Variants in PNLDC1 observed in about 807,000 individuals in gnomAD.
PNLDC1 encodes PARN like ribonuclease domain containing exonuclease 1.
A neutral mutation model predicts 82.0 loss-of-function variants in PNLDC1; 70 were observed. The ratio of observed to expected loss-of-function variants is 0.85; its 90% CI spans 0.70 to 1.04. The LOEUF (loss-of-function observed/expected upper bound fraction) is 1.04. PNLDC1 is among the 50% of genes least tolerant of loss of function. The pLI, the probability that PNLDC1 is intolerant of heterozygous loss-of-function variation, is 0.00. For synonymous variants in PNLDC1, 280 were observed against 249.3 expected, an observed-to-expected ratio of 1.12 and a Z score of -1.16; for missense variants, 631 against 661.1, an observed-to-expected ratio of 0.95 and a Z score of 0.50.
At chr6:159,816,453 G>A (rs1781832718) in intron 13 of PNLDC1, 90 bp from the exon 14 acceptor site, 1 of 1,192,130 alleles carries the variant, frequency 8.4e-7, no homozygotes, top group Admixed American at 1.7e-5. Context: ...GAGGTTGTAT[G>A]AGCTGCAGCC....
chr6:159,817,176 A>G (rs375598370), intron 15 of PNLDC1, 25 bp downstream of exon 15: 13 of 1,599,566 alleles, frequency 8.1e-6, no homozygotes, highest in Non-Finnish European at 1.0e-5. Context: ...TTTTCATCCT[A>G]CTGTTCAATC....
intron 4 of PNLDC1, 153 bp downstream of exon 4, chr6:159,803,463 C>T (rs372515483): frequency 7.0e-5 from 46 of 657,278 alleles, no homozygotes; most frequent in East Asian, 4.3e-4. Flanking sequence ...CTGCCCTCTG[C>T]GGATTCCAGC....
At chr6:159,818,701 G>A (rs370813825) in intron 16 of PNLDC1, 47 bp downstream of exon 16, 43 of 1,561,092 alleles carry the variant, frequency 2.8e-5, no homozygotes, top group South Asian at 2.1e-4. Context: ...GAGTTCAGAG[G>A]CTTTGCTGGG....
Position 159,820,473 on chromosome 6 carries a change from G to A in PNLDC1, c.1552G>A (p.Ala518Thr), listed in dbSNP as rs915644805. 18 of 1,614,022 alleles carry A rather than the reference G, an allele frequency of 1.1e-5. No individual in the cohort carries two copies. Among genetic ancestry groups the A allele is most frequent in the Admixed American group, 1.7e-5 (1 of 59,996 alleles). The change falls in exon 19 of 19, where the codon GCC becomes ACC. Residue 518 changes from alanine to threonine, a missense_variant. By Grantham distance (58) the Ala-to-Thr change is moderately conservative. Coordinates refer to ENST00000392167, the MANE Select transcript of PNLDC1 (RefSeq NM_001271862.2). ...CLLQVCGIVT[A>T]WALLAFILGR... The stretch of plus-strand genomic sequence containing the variant: ...TTGCAGAGTCTGTGGCATAGTGACT[G>A]CCTGGGCCCTTCTCGCGTTCATCCT...
rs1466028803 is a variant in PNLDC1 at position 159,811,757 on chromosome 6, A to G, written c.910A>G (p.Thr304Ala). ...IHSLFPVLIDTKSVTKDIWKE... is the reference protein window; with the variant it reads ...IHSLFPVLIDAKSVTKDIWKE... ...CAGCCTATTTCCTGTTCTCATTGAT[A>G]CCAAGAGTGTAACAAAGGATATCTG... Residue 304 changes from threonine to alanine, a missense_variant, in exon 11 of 19, where the codon ACC becomes GCC. Thr to Ala is a moderately conservative substitution (Grantham distance 58, BLOSUM62 0). Coordinates refer to ENST00000392167, the MANE Select transcript of PNLDC1 (RefSeq NM_001271862.2). The G allele has an allele frequency of 5.0e-6, 8 of 1,613,342 alleles. No individual in the cohort carries two copies. Among genetic ancestry groups the G allele is most frequent in the African/African-American group, 1.3e-5 (1 of 74,932 alleles).
At chr6:159,803,532 A>C (rs1583166247) in intron 4 of PNLDC1, 3 of 577,282 alleles carry the variant, frequency 5.2e-6, no homozygotes, top group East Asian at 5.6e-5. Flanking sequence ...TCTGTACCTT[A>C]AGTGCTCCTT....
chr6:159,807,218 A>G (rs1316238802), intron 7 of PNLDC1, among the ~76,000 whole-genome samples: 2 of 152,162 alleles, frequency 1.3e-5, no homozygotes, highest in Non-Finnish European at 2.9e-5. Flanking sequence ...TTTACTGGAA[A>G]GAACTGATTG....
Position 159,804,588 on chromosome 6 carries a change from G to A in PNLDC1, c.412G>A (p.Glu138Lys), listed in dbSNP as rs1463685512. The stretch of plus-strand genomic sequence containing the variant: ...AATCCCATATATGAATGAAGAACAG[G>A]AGAAGAAAATTAGACACGATATCCT... ...NGIPYMNEEQ[E>K]KKIRHDILTG... Residue 138 changes from glutamate to lysine, a missense_variant, in exon 6 of 19, where the codon GAG (glutamate) becomes AAG (lysine). Coordinates refer to ENST00000392167, the MANE Select transcript of PNLDC1 (RefSeq NM_001271862.2). 6.2e-7 allele frequency: 1 copy of A among 1,610,800 alleles called. No individual in the cohort carries two copies. The highest frequency in any genetic ancestry group is 2.2e-5 in the East Asian group (1 of 44,860).
rs779148258 is a variant in PNLDC1 at position 159,813,667 on chromosome 6, C to T, written c.995+11C>T. The T allele has an allele frequency of 1.4e-5, 23 of 1,612,810 alleles. No homozygotes were observed. Among genetic ancestry groups the T allele is most frequent in the South Asian group, 8.8e-5 (8 of 91,064 alleles). The stretch of plus-strand genomic sequence containing the variant: ...TGAAGTCCTGAACAGGTGAGGACGG[C>T]GATTCCTGGAGCTACTGCTGGAGCG... On this transcript the variant is annotated intron_variant, in intron 12 of 18. Coordinates refer to ENST00000392167, the MANE Select transcript of PNLDC1 (RefSeq NM_001271862.2).
At chr6:159,803,685 A>G (rs1781344054) in intron 4 of PNLDC1, among the ~76,000 whole-genome samples, 2 of 152,024 alleles carry the variant, frequency 1.3e-5, no homozygotes, top group Admixed American at 1.3e-4. Flanking sequence ...CCCACCCCCC[A>G]TGAGCAGTTG....
chr6:159,803,587 C>T (rs1478551043), intron 4 of PNLDC1, among the ~76,000 whole-genome samples: 1 of 152,180 alleles, frequency 6.6e-6, no homozygotes, highest in Non-Finnish European at 1.5e-5. Flanking sequence ...TTAATAAAAG[C>T]GCCTGACACA....
In PNLDC1 at chr6:159,813,655, A is replaced by C; in HGVS notation, c.994A>C (p.Ser332Arg). Reference sequence around the variant, plus strand: ...TTCGGAAGTCTATGAAGTCCTGAACAGGTGAGGACGGCGATTCCTGGAGCT... The same window carrying C: ...TTCGGAAGTCTATGAAGTCCTGAACCGGTGAGGACGGCGATTCCTGGAGCT... ...NLSEVYEVLN[S>R]DLNPTKNSGP... The change falls in exon 12 of 19, where the codon AGT (serine) becomes CGT (arginine). Residue 332 changes from serine to arginine, a missense_variant and splice_region_variant. Coordinates refer to ENST00000392167, the MANE Select transcript of PNLDC1 (RefSeq NM_001271862.2). The C allele has an allele frequency of 6.2e-7, 1 of 1,613,742 alleles. No homozygotes were observed. The highest frequency in any genetic ancestry group is 8.5e-7 in the Non-Finnish European group (1 of 1,179,620).
chr6:159,807,398 G>A (rs546040924), intron 7 of PNLDC1, among the ~76,000 whole-genome samples: 17 of 148,144 alleles, frequency 1.1e-4, no homozygotes, highest in South Asian at 2.1e-4. Context: ...TGTTTCAAAG[G>A]AAAAAAAAAA....
intron 3 of PNLDC1, among the ~76,000 whole-genome samples, chr6:159,802,172 T>A (rs150934118): frequency 6.6e-6 from 1 of 152,378 alleles, no homozygotes; most frequent in African/African-American, 2.4e-5. Context: ...GCTTTTGTAA[T>A]GTGAAATTAG....
In PNLDC1 at chr6:159,817,187, G is replaced by A. The variant is rs560296079; in HGVS notation, c.1157+36G>A. On this transcript the variant is annotated intron_variant, in intron 15 of 18. Transcript: ENST00000392167. ...TTTCTTTTCATCCTACTGTTCAATC[G>A]GTGGTCAGGATTTATTGAGCCCTTG... 28 of 1,585,768 alleles carry A rather than the reference G, an allele frequency of 1.8e-5. 1 individual carries two copies. Among genetic ancestry groups the A allele is most frequent in the South Asian group, 1.4e-4 (13 of 90,450 alleles).
At chr6:159,810,137 G>T in intron 10 of PNLDC1, 42 bp downstream of exon 10, 1 of 1,563,358 alleles carries the variant, frequency 6.4e-7, no homozygotes, top group Non-Finnish European at 8.8e-7. Context: ...ACGCTAGTTT[G>T]CCATCTGGCA....
At chr6:159,809,180 C>T in intron 9 of PNLDC1, 22 bp downstream of exon 9, 1 of 1,612,684 alleles carries the variant, frequency 6.2e-7, no homozygotes, top group South Asian at 1.1e-5. Flanking sequence ...TGTCTCTTTT[C>T]TTGGCCTAAA....
chr6:159,813,213 C>G (rs1781700560), intron 11 of PNLDC1, among the ~76,000 whole-genome samples: 1 of 152,172 alleles, frequency 6.6e-6, no homozygotes, highest in African/African-American at 2.4e-5. Flanking sequence ...CTACTATGAA[C>G]TTTTAGGATT....
intron 11 of PNLDC1, 45 bp from the exon 12 acceptor site, chr6:159,813,556 C>T (rs1244367071): frequency 1.9e-6 from 3 of 1,557,686 alleles, no homozygotes; most frequent in African/African-American, 2.7e-5. Context: ...AGAGAATAAA[C>T]AAAAGCGCAA....
Sources: allele counts gnomAD v4.1 joint callset (sites outside exome capture counted in the v4.1 genomes callset), GRCh38; gene constraint gnomAD v4.1.1; transcripts MANE v1.5; gene names NCBI Gene and HGNC (gene_info 2026-07-23, HGNC 2026-07-21).